ARHGAP35: variants seen among roughly 807,000 people sequenced by gnomAD.
The protein encoded by ARHGAP35 is rho GTPase-activating protein 35.
A neutral mutation model predicts 111.1 loss-of-function variants in ARHGAP35; 15 were observed. The ratio of observed to expected loss-of-function variants is 0.13; its 90% CI spans 0.09 to 0.21. ARHGAP35 has a LOEUF of 0.21. Ranked by LOEUF, ARHGAP35 falls within the 10% of genes least tolerant of loss-of-function variation. The pLI is 1.00. For missense variants in ARHGAP35, 1,262 were observed against 1,873.0 expected (o/e 0.67, Z 6.02); for synonymous variants, 643 against 710.3 (o/e 0.91, Z 1.51).
At chr19:46,963,182 G>C (rs2056494483) in intron 3 of ARHGAP35, among the ~76,000 whole-genome samples, 1 of 152,118 alleles carries the variant, frequency 6.6e-6, no homozygotes, top group Non-Finnish European at 1.5e-5. Context: ...TTACTTTTCT[G>C]TGGGGGTTCT....
intron 3 of ARHGAP35, among the ~76,000 whole-genome samples, chr19:46,967,924 G>C (rs2056524669): frequency 6.6e-6 from 1 of 151,898 alleles, no homozygotes; most frequent in African/African-American, 2.4e-5. Context: ...CCTGCTCTGT[G>C]AGCCAGGGCT....
intron 1 of ARHGAP35, among the ~76,000 whole-genome samples, chr19:46,866,299 C>G (rs573128836): frequency 6.6e-6 from 1 of 152,328 alleles, no homozygotes; most frequent in East Asian, 1.9e-4. Flanking sequence ...CCTTTGACGC[C>G]TTGCGTTCAT....
chr19:46,875,343 G>T lies in ARHGAP35; in HGVS notation c.-189+14134G>T, dbSNP rs569244273. ...ATCCTCTGTGAGATTTTTGTCTTTT[G>T]TTCCTCCATTTGTTCTGTGACATCA... On this transcript the variant is annotated intron_variant, in intron 1 of 6. Transcript: ENST00000672722. Among the ~76,000 whole-genome samples the T allele has an allele frequency of 5.3e-5, 8 of 152,204 alleles. No homozygotes were observed. The East Asian group carries it at 9.6e-4, about 18-fold the overall frequency.
Position 46,956,584 on chromosome 19 carries a change from C to T in ARHGAP35, c.3826+19176C>T, listed in dbSNP as rs117613579. ...ACAGGCGTGAGCAACCACACCCAAC[C>T]GCATCCTCAAGATACCTCATTACTT... is the stretch of plus-strand genomic sequence containing the variant. On this transcript the variant is annotated intron_variant, in intron 3 of 6. Transcript: ENST00000672722. Among the ~76,000 whole-genome samples, 917 of 152,138 alleles carry T rather than the reference C, an allele frequency of 6.0e-3. 5 individuals are homozygous for T. The highest frequency in any genetic ancestry group is 0.02 in the South Asian group (98 of 4,818).
chr19:46,896,372 A>G (rs934086358), intron 1 of ARHGAP35, among the ~76,000 whole-genome samples: 1 of 152,228 alleles, frequency 6.6e-6, no homozygotes, highest in African/African-American at 2.4e-5. Context: ...GGCAACAGCA[A>G]GTCCCTGTCT....
chr19:46,996,994 G>C (rs1369603742), intron 5 of ARHGAP35, among the ~76,000 whole-genome samples: 2 of 152,008 alleles, frequency 1.3e-5, no homozygotes, highest in Non-Finnish European at 2.9e-5. Context: ...CCCGTCTCTA[G>C]TAAAAATACA....
intron 2 of ARHGAP35, among the ~76,000 whole-genome samples, chr19:46,929,845 T>C (rs569737765): frequency 2.8e-4 from 42 of 149,392 alleles, no homozygotes; most frequent in African/African-American, 9.7e-4. Context: ...ACCCAGGAGG[T>C]GGAGTTTGCA....
intron 3 of ARHGAP35, among the ~76,000 whole-genome samples, chr19:46,961,115 G>T (rs947630235): frequency 5.9e-5 from 9 of 151,944 alleles, no homozygotes; most frequent in Non-Finnish European, 8.8e-5. Flanking sequence ...GGCTGGTCTC[G>T]AACTCCTGAC....
At chr19:46,939,827 G>A (rs1389076242) in intron 3 of ARHGAP35, among the ~76,000 whole-genome samples, 1 of 152,118 alleles carries the variant, frequency 6.6e-6, no homozygotes, top group East Asian at 1.9e-4. Flanking sequence ...TAATCTGTCT[G>A]TAATCTAATC....
intron 1 of ARHGAP35, among the ~76,000 whole-genome samples, chr19:46,884,768 T>G (rs964949642): frequency 3.3e-5 from 5 of 152,102 alleles, no homozygotes; most frequent in African/African-American, 1.2e-4. Context: ...ATTACAGGTT[T>G]AAGGGCTAGA....
chr19:46,876,784 T>A (rs952458561), intron 1 of ARHGAP35, among the ~76,000 whole-genome samples: 15 of 152,142 alleles, frequency 9.9e-5, no homozygotes, highest in African/African-American at 3.6e-4. Flanking sequence ...ATTACAGGTG[T>A]GAGCACGTGG....
intron 3 of ARHGAP35, among the ~76,000 whole-genome samples, chr19:46,961,454 G>T (rs1170280125): frequency 6.6e-6 from 1 of 152,150 alleles, no homozygotes; most frequent in Non-Finnish European, 1.5e-5. Flanking sequence ...GTATATTAGG[G>T]TAGTGGTAAA....
chr19:46,896,704 G>C (rs1478123013), intron 1 of ARHGAP35, among the ~76,000 whole-genome samples: 1 of 152,182 alleles, frequency 6.6e-6, no homozygotes, highest in Admixed American at 6.5e-5. Flanking sequence ...TCTTGAACGA[G>C]TCTCTTGACC....
intron 3 of ARHGAP35, among the ~76,000 whole-genome samples, chr19:46,980,116 G>A (rs987493257): frequency 4.6e-5 from 7 of 152,184 alleles, no homozygotes; most frequent in African/African-American, 1.4e-4. Context: ...CGGGCGCGGT[G>A]TCTCATGCCT....
At chr19:46,940,604 C>CTTT (rs112571284) in intron 3 of ARHGAP35, among the ~76,000 whole-genome samples, 44 of 139,974 alleles carry the variant, frequency 3.1e-4, no homozygotes, top group African/African-American at 8.3e-4. Context: ...TTTGTTTTCC[C>CTTT]TTTTTTTTTT....
At chr19:46,996,690 T>C (rs2056710782) in intron 5 of ARHGAP35, among the ~76,000 whole-genome samples, 1 of 152,218 alleles carries the variant, frequency 6.6e-6, no homozygotes, top group Admixed American at 6.5e-5. Context: ...TGTGCCAAGC[T>C]AGCAGCTGGA....
In ARHGAP35 at chr19:46,993,664, A is replaced by G. The variant is rs1376611895; in HGVS notation, c.4036+3989A>G. Among the ~76,000 whole-genome samples, 1 of 152,060 alleles carries G rather than the reference A, an allele frequency of 6.6e-6. No individual in the cohort carries two copies. Among genetic ancestry groups the G allele is most frequent in the East Asian group, 1.9e-4 (1 of 5,196 alleles). ...TCTGTGTCCAGGCTGTCTTGGTTCA[A>G]CTGGCCCAAAAATGCCTCCCTTGGA... On this transcript the variant is annotated intron_variant, in intron 5 of 6. Transcript: ENST00000672722. The surrounding 1 kb of genome is among the most constrained non-coding windows in gnomAD (Gnocchi z 4.6).
intron 2 of ARHGAP35, among the ~76,000 whole-genome samples, chr19:46,934,044 G>C (rs531092923): frequency 6.6e-6 from 1 of 152,270 alleles, no homozygotes; most frequent in South Asian, 2.1e-4. Flanking sequence ...TTCCATTTCT[G>C]TTCCTTCACA....
At chr19:46,894,738 G>A (rs560178214) in intron 1 of ARHGAP35, among the ~76,000 whole-genome samples, 1 of 152,110 alleles carries the variant, frequency 6.6e-6, no homozygotes, top group South Asian at 2.1e-4. Context: ...AAGCCACCAC[G>A]CCCGGCCATA....
Sources: allele counts gnomAD v4.1 joint callset (sites outside exome capture counted in the v4.1 genomes callset), GRCh38; gene constraint gnomAD v4.1.1; non-coding constraint Gnocchi (gnomAD v3.1); transcripts MANE v1.5; gene names NCBI Gene and HGNC (gene_info 2026-07-23, HGNC 2026-07-21).